Variants in RBFOX1 observed in about 807,000 individuals in gnomAD.
The protein encoded by RBFOX1 is RNA binding fox-1 homolog 1.
A neutral mutation model predicts 57.7 loss-of-function variants in RBFOX1; 8 were observed. The observed-to-expected ratio is 0.14, with a 90% CI of 0.08 to 0.25. The LOEUF (loss-of-function observed/expected upper bound fraction) is 0.25, where lower values mean the gene tolerates loss of function less well. Among genes scored for constraint, RBFOX1 ranks in the 10% least tolerant of loss-of-function variants. RBFOX1 has a pLI of 1.00. For synonymous variants in RBFOX1, 326 were observed against 222.4 expected, an observed-to-expected ratio of 1.47 and a Z score of -4.15; for missense variants, 611 against 548.5, an observed-to-expected ratio of 1.11 and a Z score of -1.14.
chr16:6,816,597 A>G (rs1298795110), intron 3 of RBFOX1, among the ~76,000 whole-genome samples: 1 of 151,662 alleles, frequency 6.6e-6, no homozygotes, highest in Non-Finnish European at 1.5e-5. Flanking sequence ...AAAATTAGCC[A>G]GGCGTGGTGG....
At chr16:7,101,335 T>G (rs752396896) in intron 4 of RBFOX1, among the ~76,000 whole-genome samples, 1 of 152,154 alleles carries the variant, frequency 6.6e-6, no homozygotes, top group African/African-American at 2.4e-5. Flanking sequence ...TGCTATTCAT[T>G]GAAAATAAAA....
chr16:5,515,090 T>G (rs553461526), intron 2 of RBFOX1, among the ~76,000 whole-genome samples: 1 of 152,284 alleles, frequency 6.6e-6, no homozygotes, highest in South Asian at 2.1e-4. Flanking sequence ...AAGAACTCAT[T>G]TATTACAGCA....
At chr16:5,896,050 G>C (rs950468323) in intron 4 of RBFOX1, among the ~76,000 whole-genome samples, 2 of 152,108 alleles carry the variant, frequency 1.3e-5, no homozygotes, top group African/African-American at 4.8e-5. Flanking sequence ...GAGCCTGAGA[G>C]GGGATTTTCC....
intron 3 of RBFOX1, among the ~76,000 whole-genome samples, chr16:6,917,873 G>C (rs1398815861): frequency 6.6e-6 from 1 of 152,130 alleles, no homozygotes; most frequent in African/African-American, 2.4e-5. Flanking sequence ...AAAATACCAA[G>C]AAACTGACAC....
intron 3 of RBFOX1, among the ~76,000 whole-genome samples, chr16:6,859,713 A>G (rs1166894251): frequency 3.3e-5 from 5 of 152,196 alleles, no homozygotes; most frequent in African/African-American, 9.6e-5. Flanking sequence ...TATCAGCAAA[A>G]TGAGAAATGT....
At chr16:5,661,059 C>T (rs1444343844) in intron 3 of RBFOX1, among the ~76,000 whole-genome samples, 7 of 152,148 alleles carry the variant, frequency 4.6e-5, no homozygotes, top group Admixed American at 3.9e-4. Context: ...TCATTCTGCA[C>T]CTGCTCACTT....
At chr16:7,033,444 C>T (rs548314670) in intron 3 of RBFOX1, among the ~76,000 whole-genome samples, 11 of 152,170 alleles carry the variant, frequency 7.2e-5, no homozygotes, top group South Asian at 2.1e-4. Context: ...CGCTTGATCC[C>T]GGGAGGCGGA....
At chr16:6,682,633 C>A (rs936215338) in intron 3 of RBFOX1, among the ~76,000 whole-genome samples, 1 of 151,892 alleles carries the variant, frequency 6.6e-6, no homozygotes, top group Non-Finnish European at 1.5e-5. Flanking sequence ...GTCGAGAGAG[C>A]TTTTCCTTCT....
intron 3 of RBFOX1, among the ~76,000 whole-genome samples, chr16:6,994,436 A>G (rs1205547566): frequency 6.6e-6 from 1 of 151,866 alleles, no homozygotes; most frequent in African/African-American, 2.4e-5. Flanking sequence ...TGTAAAAACC[A>G]CCCCCAGCTC....
intron 3 of RBFOX1, among the ~76,000 whole-genome samples, chr16:7,051,073 A>C (rs1488362281): frequency 6.6e-6 from 1 of 152,202 alleles, no homozygotes; most frequent in Non-Finnish European, 1.5e-5. Flanking sequence ...AAAGTTTCAA[A>C]AACTTACAGT....
At chr16:5,465,891 A>C (rs2068937495) in intron 1 of RBFOX1, among the ~76,000 whole-genome samples, 1 of 152,172 alleles carries the variant, frequency 6.6e-6, no homozygotes, top group South Asian at 2.1e-4. Flanking sequence ...GACCTTGGGC[A>C]GCAGAGCAGA....
At chr16:6,506,082 G>T (rs750112178) in intron 2 of RBFOX1, among the ~76,000 whole-genome samples, 5 of 152,186 alleles carry the variant, frequency 3.3e-5, no homozygotes, top group Non-Finnish European at 5.9e-5. Context: ...GTGCACCCTT[G>T]CATATATCCA....
At chr16:7,425,894 A>G (rs1475857964) in intron 4 of RBFOX1, among the ~76,000 whole-genome samples, 2 of 152,308 alleles carry the variant, frequency 1.3e-5, no homozygotes, top group East Asian at 1.9e-4. Context: ...AACGAAATGT[A>G]TCATTTTTTC....
chr16:6,273,039 C>T lies in RBFOX1; in HGVS notation c.-126-43956C>T, dbSNP rs193037337. ...CTTTGGGAGGCTGAGGCAGGTGAGT[C>T]ACCCGAGGTCAGGAGTTCAAGACCA... is the stretch of plus-strand genomic sequence containing the variant. On this transcript the variant is annotated intron_variant, in intron 1 of 15. Transcript: ENST00000550418. Among the ~76,000 whole-genome samples the T allele has an allele frequency of 1.8e-4, 28 of 152,114 alleles. 1 individual carries two copies. The highest frequency in any genetic ancestry group is 1.8e-3 in the Admixed American group (27 of 15,284).
At chr16:6,230,803 A>C (rs944369752) in intron 1 of RBFOX1, among the ~76,000 whole-genome samples, 1 of 152,238 alleles carries the variant, frequency 6.6e-6, no homozygotes, top group Non-Finnish European at 1.5e-5. Context: ...ATGGATACGC[A>C]TAGTACAAAG....
chr16:6,768,590 A>T (rs971936652), intron 3 of RBFOX1, among the ~76,000 whole-genome samples: 2 of 151,918 alleles, frequency 1.3e-5, no homozygotes, highest in Non-Finnish European at 2.9e-5. Flanking sequence ...TGGATCAATA[A>T]ATACACATCT....
intron 3 of RBFOX1, among the ~76,000 whole-genome samples, chr16:7,027,559 T>C (rs2041339012): frequency 6.6e-6 from 1 of 152,048 alleles, no homozygotes; most frequent in South Asian, 2.1e-4. Context: ...TGGTTTCTCT[T>C]AGTCTTAGAC....
chr16:6,560,981 C>G (rs1459662630), intron 2 of RBFOX1, among the ~76,000 whole-genome samples: 1 of 152,212 alleles, frequency 6.6e-6, no homozygotes, highest in African/African-American at 2.4e-5. Flanking sequence ...GTGCAAATTT[C>G]AACTTGTATC....
chr16:5,731,867 C>A (rs1003596896), intron 3 of RBFOX1, among the ~76,000 whole-genome samples: 2 of 152,074 alleles, frequency 1.3e-5, no homozygotes, highest in Admixed American at 6.6e-5. Context: ...AAGAAGACAC[C>A]ACCATATCTC....
Sources: allele counts gnomAD v4.1 joint callset (sites outside exome capture counted in the v4.1 genomes callset), GRCh38; gene constraint gnomAD v4.1.1; transcripts MANE v1.5; gene names NCBI Gene and HGNC (gene_info 2026-07-23, HGNC 2026-07-21).